Variants in CPNE4 observed in about 807,000 individuals in gnomAD.
The protein encoded by CPNE4 is copine 4, also known as copine-4.
In CPNE4, 25 loss-of-function variants were observed where a neutral mutation model predicts 67.9. That is an observed-to-expected ratio of 0.37 (90% confidence interval 0.27 to 0.51). The LOEUF is 0.51. Among genes scored for constraint, CPNE4 ranks in the 20% least tolerant of loss-of-function variants. The pLI is 0.93. For missense variants in CPNE4, 464 were observed against 690.8 expected (o/e 0.67, Z 3.68); for synonymous variants, 242 against 244.9 (o/e 0.99, Z 0.11).
chr3:131,763,036 AC>A (rs1429641873), intron 2 of CPNE4, among the ~76,000 whole-genome samples: 1 of 152,094 alleles, frequency 6.6e-6, no homozygotes, highest in Non-Finnish European at 1.5e-5. Context: ...AAACAAAAAA[AC>A]AATCTTTTCT....
intron 6 of CPNE4, among the ~76,000 whole-genome samples, chr3:131,683,863 G>C (rs2080819002): frequency 6.6e-6 from 1 of 152,122 alleles, no homozygotes; most frequent in Non-Finnish European, 1.5e-5. Context: ...CCTCTGGCTA[G>C]GACTGGTTTA....
At chr3:131,940,050 C>G (rs188408413) in intron 1 of CPNE4, among the ~76,000 whole-genome samples, 1 of 152,058 alleles carries the variant, frequency 6.6e-6, no homozygotes, top group Non-Finnish European at 1.5e-5. Flanking sequence ...TGTTTGTGTG[C>G]ATTTTTGTGT....
At chr3:131,758,241 G>A (rs1330211796) in intron 2 of CPNE4, among the ~76,000 whole-genome samples, 2 of 152,182 alleles carry the variant, frequency 1.3e-5, no homozygotes, top group Non-Finnish European at 2.9e-5. Flanking sequence ...CAGGAGGGAA[G>A]CTATACCCTG....
chr3:131,987,149 A>T (rs939825962), intron 1 of CPNE4, among the ~76,000 whole-genome samples: 6 of 152,212 alleles, frequency 3.9e-5, no homozygotes, highest in African/African-American at 1.4e-4. Flanking sequence ...GACTCTGAAA[A>T]TATTAAGTAA....
intron 1 of CPNE4, among the ~76,000 whole-genome samples, chr3:131,933,894 G>T (rs1028544194): frequency 2.6e-5 from 4 of 151,898 alleles, no homozygotes; most frequent in African/African-American, 9.7e-5. Flanking sequence ...TAAGGGATAA[G>T]GGAAATAAGA....
Position 131,666,107 on chromosome 3 carries a change from C to T in CPNE4, c.681+3568G>A, listed in dbSNP as rs1482417059. Among the ~76,000 whole-genome samples the T allele has an allele frequency of 2.6e-5, 4 of 151,822 alleles. No individual in the cohort carries two copies. The South Asian group carries it at 6.3e-4, about 24-fold the overall frequency. Reference sequence around the variant, plus strand: ...CGGAAGTGGGTATGGCTAGCTGTACCAGGTATTAAAATATGCTACAAAACG... The same window carrying T: ...CGGAAGTGGGTATGGCTAGCTGTACTAGGTATTAAAATATGCTACAAAACG... On this transcript the variant is annotated intron_variant, in intron 7 of 15. Transcript: ENST00000429747.
intron 2 of CPNE4, among the ~76,000 whole-genome samples, chr3:131,873,711 T>G (rs1290509081): frequency 6.6e-6 from 1 of 152,206 alleles, no homozygotes; most frequent in East Asian, 1.9e-4. Context: ...AAGTCCACTC[T>G]CTAGAAGGAT....
chr3:131,555,636 C>T (rs1187871873), intron 11 of CPNE4, 85 bp from the exon 12 acceptor site: 2 of 1,136,926 alleles, frequency 1.8e-6, no homozygotes, highest in African/African-American at 3.0e-5. Context: ...ACCTACATTA[C>T]TAGGTTGCTA....
chr3:131,709,533 T>C (rs993889662), intron 3 of CPNE4, among the ~76,000 whole-genome samples: 2 of 152,212 alleles, frequency 1.3e-5, no homozygotes, highest in African/African-American at 4.8e-5. Context: ...CTAAATCTTG[T>C]GTTAAAAGTG....
intron 1 of CPNE4, among the ~76,000 whole-genome samples, chr3:131,924,089 A>G (rs771229811): frequency 8.5e-5 from 13 of 152,218 alleles, no homozygotes; most frequent in Non-Finnish European, 1.9e-4. Flanking sequence ...TCTTCCAGAC[A>G]TTACGTGTCC....
chr3:131,724,937 TA>T (rs1425610859), intron 2 of CPNE4, among the ~76,000 whole-genome samples: 4 of 152,228 alleles, frequency 2.6e-5, no homozygotes, highest in Non-Finnish European at 5.9e-5. Flanking sequence ...GGGAAGCTTT[TA>T]AAGACTAAGT....
At chr3:131,899,757 A>T (rs2088479624) in intron 2 of CPNE4, among the ~76,000 whole-genome samples, 1 of 152,102 alleles carries the variant, frequency 6.6e-6, no homozygotes. Context: ...TGCTTGTCCC[A>T]TTTTCATAAA....
chr3:131,721,390 G>A (rs1292037247), intron 3 of CPNE4, among the ~76,000 whole-genome samples: 3 of 120,262 alleles, frequency 2.5e-5, no homozygotes, highest in Non-Finnish European at 3.3e-5. Flanking sequence ...ATTCCCACAC[G>A]GATCTACCTT....
intron 1 of CPNE4, among the ~76,000 whole-genome samples, chr3:132,024,344 A>G (rs1380077967): frequency 6.6e-6 from 1 of 152,126 alleles, no homozygotes; most frequent in Non-Finnish European, 1.5e-5. Context: ...TTGACCTCCC[A>G]AAGTGTTGGG....
rs1305199995 is a variant in CPNE4, at chr3:131,535,335, G to T, written c.1540-6C>A. 4 of 1,609,294 alleles carry T rather than the reference G, an allele frequency of 2.5e-6. No homozygotes were observed. Among genetic ancestry groups the T allele is most frequent in the Non-Finnish European group, 3.4e-6 (4 of 1,178,526 alleles). ...GCCAGGGCAGCTGGAGATGCCTGCA[G>T]GGAAGAAGAAATCATCATGACGTTG... On this transcript the variant is annotated splice_region_variant and splice_polypyrimidine_tract_variant and intron_variant, in intron 15 of 15. Transcript: ENST00000429747.
At chr3:131,792,825 T>C (rs1230854480) in intron 2 of CPNE4, among the ~76,000 whole-genome samples, 1 of 147,160 alleles carries the variant, frequency 6.8e-6, no homozygotes, top group Non-Finnish European at 1.5e-5. Context: ...TGTGTGTGTA[T>C]AATGAGTGCG....
intron 14 of CPNE4, among the ~76,000 whole-genome samples, chr3:131,545,211 T>C (rs1451356055): frequency 6.6e-6 from 1 of 152,212 alleles, no homozygotes; most frequent in East Asian, 1.9e-4. Context: ...AAAATCTTCA[T>C]ATGTCACAAA....
At chr3:131,949,003 T>C (rs148515380) in intron 1 of CPNE4, among the ~76,000 whole-genome samples, 17 of 152,350 alleles carry the variant, frequency 1.1e-4, no homozygotes, top group African/African-American at 3.8e-4. Flanking sequence ...ATGGTTCAGG[T>C]TGCATGACGT....
At chr3:131,822,590 C>T (rs1403458911) in intron 2 of CPNE4, among the ~76,000 whole-genome samples, 15 of 152,078 alleles carry the variant, frequency 9.9e-5, no homozygotes, top group Admixed American at 9.2e-4. Flanking sequence ...AGCTTTTGTA[C>T]CTATACAGGG....
Sources: allele counts gnomAD v4.1 joint callset (sites outside exome capture counted in the v4.1 genomes callset), GRCh38; gene constraint gnomAD v4.1.1; transcripts MANE v1.5; gene names NCBI Gene and HGNC (gene_info 2026-07-23, HGNC 2026-07-21).